Variants in TNRC6C observed in about 807,000 individuals in gnomAD.
The protein encoded by TNRC6C is trinucleotide repeat containing adaptor 6C.
TNRC6C carries 20 observed loss-of-function variants against 153.7 expected under a neutral mutation model. That is an observed-to-expected ratio of 0.13 (90% confidence interval 0.09 to 0.19). The LOEUF (loss-of-function observed/expected upper bound fraction) is 0.19, where lower values mean the gene tolerates loss of function less well. Among genes scored for constraint, TNRC6C ranks in the 10% least tolerant of loss-of-function variants. The pLI, the probability that TNRC6C is intolerant of heterozygous loss-of-function variation, is 1.00. For synonymous variants in TNRC6C, 811 were observed against 841.4 expected (o/e 0.96, Z 0.63); for missense variants, 1,987 against 2,172.0 (o/e 0.91, Z 1.69).
intron 11 of TNRC6C, among the ~76,000 whole-genome samples, chr17:78,084,006 G>A (rs576344511): frequency 2.0e-5 from 3 of 152,086 alleles, no homozygotes; most frequent in Non-Finnish European, 4.4e-5. Context: ...GGAATCGGCC[G>A]GGCACGGTGG....
chr17:78,104,785 C>T lies in TNRC6C; in HGVS notation c.5013C>T (p.Gly1671=). Residue 1671 remains glycine, a synonymous_variant, in exon 20 of 20, where the codon GGC becomes GGT. Transcript: ENST00000301624. The surrounding 1 kb of genome is among the most constrained non-coding windows in gnomAD (Gnocchi z 6.2). ...GCGCCGACGACAGCAGGGTGATAGGCAGCCCCACGCCGCTAACCACCCTGC... is the reference window on the plus strand; with the variant it reads ...GCGCCGACGACAGCAGGGTGATAGGTAGCCCCACGCCGCTAACCACCCTGC... 6.9e-7 allele frequency: 1 copy of T among 1,458,818 alleles called. No homozygotes were observed. The highest frequency in any genetic ancestry group is 9.0e-7 in the Non-Finnish European group (1 of 1,105,050). 90.4% of individuals were successfully genotyped at this position (1,458,818 alleles called of 1,614,324 possible). A position where few individuals can be genotyped will look rare whatever the true frequency, so the allele number is the denominator to read the frequency against.
intron 7 of TNRC6C, among the ~76,000 whole-genome samples, chr17:78,074,484 C>T (rs548305128): frequency 7.2e-5 from 11 of 152,270 alleles, no homozygotes; most frequent in Admixed American, 2.6e-4. Flanking sequence ...ACTGCCAGGG[C>T]GGGACAGAGC....
At chr17:78,085,499 T>G (rs1337425924) in intron 11 of TNRC6C, among the ~76,000 whole-genome samples, 1 of 152,148 alleles carries the variant, frequency 6.6e-6, no homozygotes, top group African/African-American at 2.4e-5. Flanking sequence ...TTGATGAGTC[T>G]TGCCAAAAAT....
At chr17:78,093,356 G>T in intron 15 of TNRC6C, 1 of 669,034 alleles carries the variant, frequency 1.5e-6, no homozygotes, top group Non-Finnish European at 2.5e-6. Flanking sequence ...GGAAGGGGTG[G>T]CAGGGAGGAA....
intron 13 of TNRC6C, among the ~76,000 whole-genome samples, chr17:78,087,365 AC>A (rs1283848333): frequency 1.3e-5 from 2 of 151,924 alleles, no homozygotes; most frequent in Non-Finnish European, 2.9e-5. Context: ...CAATCCTCCC[AC>A]CTCAGCCTCT....
At chr17:77,981,709 C>G (rs1015433449) in intron 1 of TNRC6C, among the ~76,000 whole-genome samples, 9 of 152,134 alleles carry the variant, frequency 5.9e-5, no homozygotes, top group African/African-American at 2.2e-4. Flanking sequence ...ACCTGTGGGT[C>G]AAATCTGGCC....
rs776823145 is a variant in TNRC6C, at chr17:78,079,481, G to A, written c.3297G>A (p.Gln1099=). 6.2e-7 allele frequency: 1 copy of A among 1,613,870 alleles called. No homozygotes were observed. ...AGCAGCCGCCACAGCCACCAGTGCA[G>A]CCTCTTAACTCTTCCCAGCCCAGTC... Residue 1099 remains glutamine, a synonymous_variant, in exon 10 of 20, where the codon CAG becomes CAA. Transcript: ENST00000301624. This position sits in a 1 kb window ranked among gnomAD's most constrained non-coding sequence, Gnocchi z 4.3.
intron 3 of TNRC6C, among the ~76,000 whole-genome samples, chr17:78,057,486 C>G (rs530768016): frequency 2.0e-4 from 31 of 152,218 alleles, no homozygotes; most frequent in Non-Finnish European, 1.2e-4. Flanking sequence ...GCCCCTTGCC[C>G]TCCTCTCTGG....
chr17:77,960,690 C>T (rs1206980748), intron 1 of TNRC6C, among the ~76,000 whole-genome samples: 1 of 152,100 alleles, frequency 6.6e-6, no homozygotes, highest in Non-Finnish European at 1.5e-5. Flanking sequence ...GTAGAGGGCA[C>T]CTTGAAGAAA....
chr17:78,050,987 G>T, exon 3 of TNRC6C: 1 of 1,613,938 alleles, frequency 6.2e-7, no homozygotes, highest in Non-Finnish European at 8.5e-7. Flanking sequence ...AGTGGCTGGG[G>T]CAACAGCACA....
chr17:78,031,917 G>T, intron 2 of TNRC6C, 75 bp downstream of exon 4: 1 of 1,204,442 alleles, frequency 8.3e-7, no homozygotes, highest in Non-Finnish European at 1.0e-6. Context: ...CTGAGCAATA[G>T]AAATAGACAT....
intron 1 of TNRC6C, among the ~76,000 whole-genome samples, chr17:77,972,374 T>A (rs2070946419): frequency 6.6e-6 from 1 of 152,080 alleles, no homozygotes; most frequent in Admixed American, 6.5e-5. Context: ...TAGCTGGGCA[T>A]GATGGCAGGT....
intron 1 of TNRC6C, among the ~76,000 whole-genome samples, chr17:78,018,136 T>C (rs1343381984): frequency 1.3e-5 from 2 of 152,184 alleles, no homozygotes; most frequent in Non-Finnish European, 2.9e-5. Context: ...TTTGTTTTTT[T>C]GGTTTTTTTG....
chr17:78,073,334 C>T (rs1000796958), intron 7 of TNRC6C, among the ~76,000 whole-genome samples: 1 of 152,142 alleles, frequency 6.6e-6, no homozygotes, highest in Non-Finnish European at 1.5e-5. Context: ...CTCATATTTT[C>T]CCGTTATGTT....
Position 77,961,242 on chromosome 17 carries a change from G to A in TNRC6C, c.-38+1974G>A, listed in dbSNP as rs190893375. On this transcript the variant is annotated intron_variant, in intron 1 of 22. Transcript: ENST00000636222. ...ACGATCTCGGGTCACTGCAACCTCC[G>A]CCTCCCGGGTTCAAGCGATTCTCTT... is the stretch of plus-strand genomic sequence containing the variant. Among the ~76,000 whole-genome samples, 11 of 149,574 alleles carry A rather than the reference G, an allele frequency of 7.4e-5. No homozygotes were observed. The East Asian group carries it at 1.0e-3, about 14-fold the overall frequency.
chr17:78,050,518 G>T (rs868561667), exon 3 of TNRC6C: 2 of 1,613,846 alleles, frequency 1.2e-6, no homozygotes, highest in East Asian at 2.2e-5. Context: ...AGCTACTCAG[G>T]CTTCAAACTC....
At chr17:78,036,779 C>T (rs1436509071) in intron 2 of TNRC6C, among the ~76,000 whole-genome samples, 2 of 151,822 alleles carry the variant, frequency 1.3e-5, no homozygotes, top group Non-Finnish European at 2.9e-5. Context: ...CAAAAATTAG[C>T]TGGGTGTGAT....
intron 1 of TNRC6C, among the ~76,000 whole-genome samples, chr17:77,976,929 C>CAAA (rs1567896752): frequency 3.7e-5 from 1 of 27,100 alleles, no homozygotes; most frequent in African/African-American, 1.7e-4. Flanking sequence ...GACTCCATCT[C>CAAA]AGAAAAAAAA....
intron 1 of TNRC6C, among the ~76,000 whole-genome samples, chr17:78,025,051 G>C (rs531740628): frequency 6.6e-6 from 1 of 150,536 alleles, no homozygotes; most frequent in Non-Finnish European, 1.5e-5. Context: ...GCAGCCTCCC[G>C]AAGTGCTGGG....
Sources: gnomAD v4.1 joint callset for allele counts (sites outside exome capture counted in the v4.1 genomes callset) on GRCh38, gnomAD v4.1.1 for gene constraint, Gnocchi (gnomAD v3.1) non-coding constraint, MANE v1.5 for transcripts, NCBI Gene and HGNC (gene_info 2026-07-23, HGNC 2026-07-21) for gene names.